Variants in GRIK2 observed in about 807,000 individuals in gnomAD.
GRIK2 encodes glutamate ionotropic receptor kainate type subunit 2.
A neutral mutation model predicts 100.3 loss-of-function variants in GRIK2; 32 were observed. That is an observed-to-expected ratio of 0.32 (90% CI 0.24 to 0.43). The LOEUF is 0.43. GRIK2 is among the 20% of genes least tolerant of loss of function. GRIK2 has a pLI of 1.00. For missense variants in GRIK2, 843 were observed against 1,114.9 expected (o/e 0.76, Z 3.47); for synonymous variants, 417 against 389.4 (o/e 1.07, Z -0.83).
rs189957045 is a variant in GRIK2 at position 101,864,095 on chromosome 6, C to T, written c.1524+4602C>T. On this transcript the variant is annotated intron_variant, in intron 11 of 16. Transcript: ENST00000369134. The stretch of plus-strand genomic sequence containing the variant: ...GAGCTTGCAGTGAGCCGAGATTGCG[C>T]CACTGCAGTCCGCAGTCCGGCCTGG... Among the ~76,000 whole-genome samples the T allele has an allele frequency of 1.0e-3, 157 of 150,114 alleles. 2 individuals carry two copies. The highest frequency in any genetic ancestry group is 0.01 in the Middle Eastern group (3 of 290).
intron 7 of GRIK2, among the ~76,000 whole-genome samples, chr6:101,726,105 C>A (rs1450199250): frequency 6.6e-6 from 1 of 151,748 alleles, no homozygotes; most frequent in East Asian, 1.9e-4. Context: ...ATATATATAA[C>A]AGTGCTAAGA....
At chr6:101,623,222 G>C (rs115817477) in intron 3 of GRIK2, among the ~76,000 whole-genome samples, 1 of 151,852 alleles carries the variant, frequency 6.6e-6, no homozygotes, top group African/African-American at 2.4e-5. Context: ...AGTATTTCTC[G>C]AGATGAAAGT....
chr6:101,876,897 T>C (rs1189317808), intron 11 of GRIK2, among the ~76,000 whole-genome samples: 1 of 151,952 alleles, frequency 6.6e-6, no homozygotes, highest in Non-Finnish European at 1.5e-5. Context: ...GGTATGTTAT[T>C]ATAAATGGAC....
chr6:102,052,270 G>C (rs1376056616), intron 15 of GRIK2, among the ~76,000 whole-genome samples: 1 of 151,922 alleles, frequency 6.6e-6, no homozygotes, highest in East Asian at 1.9e-4. Context: ...AATGATGGAA[G>C]GACAAGTAAA....
chr6:101,451,705 G>T (rs1025039757), intron 2 of GRIK2, among the ~76,000 whole-genome samples: 3 of 139,434 alleles, frequency 2.2e-5, no homozygotes, highest in African/African-American at 5.3e-5. Flanking sequence ...AGGGGGGGGG[G>T]GGTGCCAAAT....
At chr6:101,716,076 T>C (rs919801998) in intron 7 of GRIK2, among the ~76,000 whole-genome samples, 1 of 151,816 alleles carries the variant, frequency 6.6e-6, no homozygotes, top group African/African-American at 2.4e-5. Flanking sequence ...CTACATTTTC[T>C]ACCTTCCTAT....
intron 2 of GRIK2, among the ~76,000 whole-genome samples, chr6:101,472,522 G>A (rs1772000564): frequency 6.6e-6 from 1 of 151,784 alleles, no homozygotes; most frequent in Non-Finnish European, 1.5e-5. Flanking sequence ...GTACTGTGTG[G>A]TTGTCTTTTT....
intron 2 of GRIK2, among the ~76,000 whole-genome samples, chr6:101,460,169 T>C (rs1438377154): frequency 1.3e-5 from 2 of 152,192 alleles, no homozygotes; most frequent in Admixed American, 1.3e-4. Flanking sequence ...AAAGCCACAG[T>C]TGAGTATCAC....
At chr6:101,807,840 T>C (rs1211360722) in intron 9 of GRIK2, among the ~76,000 whole-genome samples, 1 of 152,012 alleles carries the variant, frequency 6.6e-6, no homozygotes, top group Non-Finnish European at 1.5e-5. Flanking sequence ...TAGTTTGTCA[T>C]CACACATGGT....
chr6:101,613,551 TAA>T (rs1310210965), intron 2 of GRIK2, among the ~76,000 whole-genome samples: 1 of 151,752 alleles, frequency 6.6e-6, no homozygotes, highest in East Asian at 1.9e-4. Flanking sequence ...GGGATACTTG[TAA>T]AAAAATTTTA....
chr6:101,732,739 T>G (rs1775362190), intron 7 of GRIK2, among the ~76,000 whole-genome samples: 1 of 152,100 alleles, frequency 6.6e-6, no homozygotes, highest in South Asian at 2.1e-4. Flanking sequence ...GAGCATTCAC[T>G]TTCCTGCTCA....
At chr6:101,484,484 G>C (rs1191031071) in intron 2 of GRIK2, among the ~76,000 whole-genome samples, 3 of 151,168 alleles carry the variant, frequency 2.0e-5, no homozygotes, top group Admixed American at 1.3e-4. Flanking sequence ...TTTAAATATT[G>C]CTAATTGATT....
intron 2 of GRIK2, among the ~76,000 whole-genome samples, chr6:101,482,124 A>C (rs1305715116): frequency 6.6e-6 from 1 of 152,202 alleles, no homozygotes; most frequent in East Asian, 1.9e-4. Context: ...AGTGAATGAC[A>C]GCAGAAATAC....
Position 101,621,973 on chromosome 6 carries a change from C to T in GRIK2, c.140C>T (p.Ser47Phe). ...RFGGIFEYVE[S>F]GPMGAEELAF... Reference sequence around the variant, plus strand: ...GGTGGTATTTTTGAATATGTGGAATCTGGCCCAATGGGAGCTGAGGAACTT... The same window carrying T: ...GGTGGTATTTTTGAATATGTGGAATTTGGCCCAATGGGAGCTGAGGAACTT... Residue 47 changes from serine (S) to phenylalanine (F), a missense_variant, in exon 3 of 17, where the codon TCT becomes TTT. Physicochemically the swap from Ser to Phe is radical, Grantham distance 155. Around this residue, in one of 3 missense-constraint regions of GRIK2, gnomAD observed 519 missense variants for 643.8 expected, o/e 0.81. Coordinates refer to ENST00000369134, the MANE Select transcript of GRIK2 (RefSeq NM_021956.5). 1 of 1,609,394 alleles carries T rather than the reference C, an allele frequency of 6.2e-7. No individual in the cohort carries two copies. The highest frequency in any genetic ancestry group is 8.5e-7 in the Non-Finnish European group (1 of 1,176,110).
In GRIK2 at chr6:101,676,522, TAAG is replaced by T. The variant is rs574835760; in HGVS notation, c.542-95_542-93del. The T allele has an allele frequency of 5.1e-4, 345 of 680,546 alleles. 2 individuals carry two copies. In the African/African-American group the frequency reaches 5.3e-3, roughly 10 times the overall value. The allele number at this position is 680,546 out of a possible 1,614,324, so 42.2% of individuals were successfully genotyped here. The stretch of plus-strand genomic sequence containing the variant: ...TGTAACCACAAAAATTAAAATGAAA[TAAG>T]AAGAAAATTATACATTCTAATGAGT... On this transcript the variant is annotated intron_variant, in intron 4 of 16. Coordinates refer to ENST00000369134, the MANE Select transcript of GRIK2 (RefSeq NM_021956.5).
At chr6:102,006,331 G>GAA (rs1795222816) in intron 14 of GRIK2, among the ~76,000 whole-genome samples, 1 of 147,492 alleles carries the variant, frequency 6.8e-6, no homozygotes, top group Non-Finnish European at 1.5e-5. Flanking sequence ...AATGTTAGTA[G>GAA]AAAGGGTATT....
rs184683519 is a variant in GRIK2, at chr6:101,566,940, A to C, written c.116-55009A>C. Among the ~76,000 whole-genome samples, 175 of 150,850 alleles carry C rather than the reference A, an allele frequency of 1.2e-3. 1 individual carries two copies. The highest frequency in any genetic ancestry group is 1.5e-3 in the Admixed American group (23 of 15,036). On this transcript the variant is annotated intron_variant, in intron 2 of 16. Transcript: ENST00000369134. ...ATACATACATTTTCTATAATAGACA[A>C]ATATAAATGTAATAGACATTTATAT...
intron 2 of GRIK2, among the ~76,000 whole-genome samples, chr6:101,565,150 T>G (rs569154769): frequency 6.6e-6 from 1 of 152,258 alleles, no homozygotes; most frequent in East Asian, 1.9e-4. Context: ...ACATCTGCAC[T>G]TGATTTACCT....
At chr6:102,065,871 GTCATCATCACCATCT>G in intron 16 of GRIK2, 1 of 1,460,006 alleles carries the variant, frequency 6.8e-7, no homozygotes, top group Non-Finnish European at 9.1e-7. Flanking sequence ...CTACAGTGTT[GTCATCATCACCATCT>G]TCATCATCAT....
Sources: gnomAD v4.1 joint callset for allele counts (sites outside exome capture counted in the v4.1 genomes callset) on GRCh38, gnomAD v4.1.1 for gene constraint, gnomAD v4.1.1 regional missense constraint, MANE v1.5 for transcripts, NCBI Gene and HGNC (gene_info 2026-07-23, HGNC 2026-07-21) for gene names.